ADGRF1: variants seen among roughly 807,000 people sequenced by gnomAD.
The protein encoded by ADGRF1 is G protein-coupled receptor 110.
ADGRF1 carries 85 observed loss-of-function variants against 87.2 expected under a neutral mutation model. That is an observed-to-expected ratio of 0.97 (90% confidence interval 0.82 to 1.17). The LOEUF (loss-of-function observed/expected upper bound fraction) is 1.17, where lower values mean the gene tolerates loss of function less well. Ranked by LOEUF, ADGRF1 falls within the 50% of genes most tolerant of loss-of-function variation. The pLI is 0.00. For synonymous variants in ADGRF1, 430 were observed against 408.8 expected (o/e 1.05, Z -0.63); for missense variants, 1,169 against 1,077.2 (o/e 1.09, Z -1.19).
rs1389034229 is a variant in ADGRF1 at position 47,009,772 on chromosome 6, T to C, written c.1663A>G (p.Thr555Ala). 2.5e-6 allele frequency: 4 copies of C among 1,613,842 alleles called. No individual in the cohort carries two copies. The highest frequency in any genetic ancestry group is 3.4e-6 in the Non-Finnish European group (4 of 1,179,980). Residue 555 changes from threonine (T) to alanine (A), a missense_variant, in exon 11 of 15, where the codon ACT becomes GCT. Physicochemically the swap from Thr to Ala is moderately conservative, Grantham distance 58. Transcript: ENST00000371253. ...CATTGGCACGTCACGATGTCTTGAG[T>C]TTCATTCACTAGGTGGCAGCCTGCA... Reference protein sequence around the residue: ...NDAGCHLVNETQDIVTCQCTH... With the variant: ...NDAGCHLVNEAQDIVTCQCTH...
chr6:47,008,285 T>C (rs1336987796), intron 11 of ADGRF1, among the ~76,000 whole-genome samples: 1 of 152,222 alleles, frequency 6.6e-6, no homozygotes, highest in East Asian at 1.9e-4. Flanking sequence ...CAAAACCTAA[T>C]GATTGCTTTG....
intron 9 of ADGRF1, chr6:47,012,927 G>A (rs960030096): frequency 1.6e-4 from 88 of 555,854 alleles, no homozygotes; most frequent in African/African-American, 3.3e-4. Flanking sequence ...GCACCACCAC[G>A]CCCAGCTAAT....
intron 13 of ADGRF1, among the ~76,000 whole-genome samples, chr6:47,004,596 C>A (rs967970762): frequency 6.6e-6 from 1 of 152,074 alleles, no homozygotes; most frequent in African/African-American, 2.4e-5. Flanking sequence ...GGGGAGTGTC[C>A]CGTCTCATTA....
chr6:47,013,487 G>A, intron 9 of ADGRF1: 1 of 985,492 alleles, frequency 1.0e-6, no homozygotes, highest in South Asian at 4.7e-5. Flanking sequence ...TGGAATAGAA[G>A]TTCTGCTCAA....
chr6:47,027,552 C>T (rs1780276245), intron 3 of ADGRF1, 152 bp downstream of exon 3: 2 of 591,862 alleles, frequency 3.4e-6, no homozygotes, highest in Non-Finnish European at 6.1e-6. Flanking sequence ...AAACGTCTTG[C>T]TCATAGGAAT....
chr6:47,014,507 T>C, intron 9 of ADGRF1, 174 bp downstream of exon 9: 1 of 1,386,724 alleles, frequency 7.2e-7, no homozygotes, highest in South Asian at 1.7e-5. Context: ...GCCCAGACGC[T>C]ACCACTCATG....
chr6:47,000,329 T>C (rs866692490), intron 14 of ADGRF1, 34 bp from the exon 15 acceptor site: 3 of 1,495,630 alleles, frequency 2.0e-6, no homozygotes, highest in Middle Eastern at 3.5e-4. Flanking sequence ...TAATTATTGT[T>C]ACTCTGTTGA....
At position 47,007,250 on chromosome 6, in the gene ADGRF1, T is replaced by C. The variant is rs767022597; in HGVS notation, c.2532+3A>G. 6 of 1,544,450 alleles carry C rather than the reference T, an allele frequency of 3.9e-6. No homozygotes were observed. In the East Asian group the frequency reaches 9.0e-5, roughly 23 times the overall value. ...GGTTAATGAGAGAAATAAATACACA[T>C]ACCTTACTGTCCAAGAGTATTCCAA... On this transcript the variant is annotated splice_donor_region_variant and intron_variant, in intron 12 of 14. Coordinates refer to ENST00000371253, the MANE Select transcript of ADGRF1 (RefSeq NM_153840.4).
intron 1 of ADGRF1, among the ~76,000 whole-genome samples, chr6:47,030,814 G>A (rs1254645856): frequency 6.6e-6 from 1 of 151,750 alleles, no homozygotes; most frequent in Non-Finnish European, 1.5e-5. Flanking sequence ...CCAGGCTGGA[G>A]TGCAGTGGCA....
chr6:47,018,386 AAGTTCCGC>A, intron 7 of ADGRF1: 1 of 1,269,648 alleles, frequency 7.9e-7, no homozygotes. Context: ...AATTGATCGG[AAGTTCCGC>A]AGCTCAAATT....
chr6:47,040,683 T>C lies in ADGRF1; in HGVS notation c.-44+1508A>G, dbSNP rs559165560. Among the ~76,000 whole-genome samples, 13 of 152,274 alleles carry C rather than the reference T, an allele frequency of 8.5e-5. No homozygotes were observed. In the South Asian group the frequency reaches 2.7e-3, roughly 32 times the overall value. On this transcript the variant is annotated intron_variant, in intron 1 of 14. Transcript: ENST00000371253. ...GCACACCCCACCACTGCTAATGCCC[T>C]CAGATACCCAGTGCCCTCTTGCTCC...
chr6:47,009,142 C>T lies in ADGRF1; in HGVS notation c.2293G>A (p.Val765Ile), dbSNP rs758758399. The T allele has an allele frequency of 6.2e-7, 1 of 1,614,138 alleles. No individual in the cohort carries two copies. The highest frequency in any genetic ancestry group is 8.5e-7 in the Non-Finnish European group (1 of 1,180,016). Residue 765 changes from valine (V) to isoleucine (I), a missense_variant, in exon 11 of 15, where the codon GTT becomes ATT. Physicochemically the swap from Val to Ile is conservative, Grantham distance 29. Coordinates refer to ENST00000371253, the MANE Select transcript of ADGRF1 (RefSeq NM_153840.4). Reference protein sequence around the residue: ...VAVNFVVVLLVLTKLWRPTVG... With the variant: ...VAVNFVVVLLILTKLWRPTVG... ...GTCGGCCTCCAGAGCTTTGTGAGAA[C>T]TAGCAGCACCACAACGAAGTTCACA... is the stretch of plus-strand genomic sequence containing the variant.
chr6:47,019,351 GCCCAGAACA>G, intron 7 of ADGRF1: 1 of 985,096 alleles, frequency 1.0e-6, no homozygotes, highest in South Asian at 4.7e-5. Flanking sequence ...AAAGGATAAT[GCCCAGAACA>G]ACATGTTTAT....
At chr6:47,029,241 C>A (rs1190194440) in intron 1 of ADGRF1, 137 bp from the exon 2 acceptor site, 9 of 591,592 alleles carry the variant, frequency 1.5e-5, no homozygotes, top group East Asian at 1.1e-4. Context: ...CTCCACGGAA[C>A]CTGTGACATC....
chr6:47,021,892 G>T, intron 6 of ADGRF1, 66 bp downstream of exon 6: 1 of 849,596 alleles, frequency 1.2e-6, no homozygotes, highest in Non-Finnish European at 1.9e-6. Context: ...TATACATGCT[G>T]AATTGAAAAC....
At chr6:47,026,874 G>A (rs142819329) in intron 3 of ADGRF1, among the ~76,000 whole-genome samples, 90 of 152,196 alleles carry the variant, frequency 5.9e-4, no homozygotes, top group South Asian at 1.9e-3. Context: ...CCCACTTCTC[G>A]TCCACGCAGG....
intron 9 of ADGRF1, 90 bp from the exon 10 acceptor site, chr6:47,012,285 C>A: frequency 6.5e-7 from 1 of 1,547,166 alleles, no homozygotes. Flanking sequence ...ATAGAACTAA[C>A]ATTTGTATGG....
intron 1 of ADGRF1, among the ~76,000 whole-genome samples, chr6:47,035,098 C>T (rs1360452640): frequency 2.0e-5 from 3 of 152,342 alleles, no homozygotes; most frequent in Admixed American, 6.5e-5. Context: ...CAGTCCAGCT[C>T]GTTTCCACTG....
At chr6:47,007,677 T>A (rs527472206) in intron 11 of ADGRF1, among the ~76,000 whole-genome samples, 63 of 152,338 alleles carry the variant, frequency 4.1e-4, no homozygotes, top group South Asian at 8.3e-4. Flanking sequence ...GGCACAGAGA[T>A]CCAATCCTAT....
Sources: gnomAD v4.1 joint callset for allele counts (sites outside exome capture counted in the v4.1 genomes callset) on GRCh38, gnomAD v4.1.1 for gene constraint, MANE v1.5 for transcripts, NCBI Gene and HGNC (gene_info 2026-07-23, HGNC 2026-07-21) for gene names.